Variants in SLCO1B1 observed in about 807,000 individuals in gnomAD.
SLCO1B1 encodes solute carrier organic anion transporter family member 1B1.
Under a neutral mutation model 70.1 loss-of-function variants are expected in SLCO1B1, and 81 were observed. The observed-to-expected ratio is 1.16, with a 90% CI of 0.97 to 1.39. The LOEUF is 1.39. SLCO1B1 is among the 40% of genes most tolerant of loss of function. SLCO1B1 has a pLI of 0.00. For synonymous variants in SLCO1B1, 283 were observed against 271.5 expected, an observed-to-expected ratio of 1.04 and a Z score of -0.42; for missense variants, 895 against 799.6, an observed-to-expected ratio of 1.12 and a Z score of -1.44.
chr12:21,173,008 A>G (rs539575277), intron 3 of SLCO1B1, among the ~76,000 whole-genome samples: 1 of 152,310 alleles, frequency 6.6e-6, no homozygotes, highest in African/African-American at 2.4e-5. Flanking sequence ...TAAATATTCT[A>G]TAATGCACAA....
At chr12:21,207,023 A>G (rs547157468) in intron 11 of SLCO1B1, among the ~76,000 whole-genome samples, 4 of 152,068 alleles carry the variant, frequency 2.6e-5, no homozygotes, top group African/African-American at 2.4e-5. Flanking sequence ...TTGCACAAAT[A>G]TGGCCCAAAG....
intron 12 of SLCO1B1, among the ~76,000 whole-genome samples, chr12:21,218,948 AT>A (rs949128815): frequency 5.3e-5 from 8 of 152,196 alleles, no homozygotes; most frequent in Non-Finnish European, 8.8e-5. Flanking sequence ...CTATGAAGCT[AT>A]TTTTTAAACT....
chr12:21,176,636 C>A, intron 4 of SLCO1B1, 140 bp from the exon 5 acceptor site: 1 of 660,770 alleles, frequency 1.5e-6, no homozygotes, highest in Non-Finnish European at 2.7e-6. Context: ...AAAACACATG[C>A]TGGGAAATTG....
At chr12:21,190,690 C>T (rs1274813021) in intron 7 of SLCO1B1, among the ~76,000 whole-genome samples, 3 of 152,070 alleles carry the variant, frequency 2.0e-5, no homozygotes, top group Non-Finnish European at 4.4e-5. Context: ...CCCTTCTGAG[C>T]CTCCTAAATC....
At position 21,176,782 on chromosome 12, in the gene SLCO1B1, G is replaced by C; in HGVS notation, c.366G>C (p.Arg122Ser). 1 of 1,531,004 alleles carries C rather than the reference G, an allele frequency of 6.5e-7. No individual in the cohort carries two copies. The allele number at this position is 1,531,004 out of a possible 1,614,324, so 94.8% of individuals were successfully genotyped here. Reference protein sequence around the residue: ...ALPHFFMGYYRYSKETNINSS... With the variant: ...ALPHFFMGYYSYSKETNINSS... ...TTCAGTGATGTTCTTACAGTTACAG[G>C]TATTCTAAAGAAACTAATATCAATT... Residue 122 changes from arginine to serine, a missense_variant, in exon 5 of 15, where the codon AGG becomes AGC. Coordinates refer to ENST00000256958, the MANE Select transcript of SLCO1B1 (RefSeq NM_006446.5).
At chr12:21,188,062 T>A (rs969535211) in intron 7 of SLCO1B1, among the ~76,000 whole-genome samples, 3 of 152,200 alleles carry the variant, frequency 2.0e-5, no homozygotes, top group Non-Finnish European at 2.9e-5. Flanking sequence ...TTGTCTAATG[T>A]GGGCACTGAA....
chr12:21,189,146 G>A (rs1940997355), intron 7 of SLCO1B1, among the ~76,000 whole-genome samples: 1 of 152,126 alleles, frequency 6.6e-6, no homozygotes, highest in African/African-American at 2.4e-5. Context: ...GGATTGCTGG[G>A]TCATATGAGA....
intron 4 of SLCO1B1, among the ~76,000 whole-genome samples, chr12:21,176,565 G>T (rs1377132952): frequency 1.3e-5 from 2 of 152,030 alleles, no homozygotes; most frequent in African/African-American, 4.8e-5. Flanking sequence ...TTAGCCTGGG[G>T]TGTATTGAAT....
At chr12:21,233,947 T>C (rs1941570414) in intron 14 of SLCO1B1, among the ~76,000 whole-genome samples, 1 of 152,152 alleles carries the variant, frequency 6.6e-6, no homozygotes, top group African/African-American at 2.4e-5. Context: ...ACCTAACGGG[T>C]TCACCTTGCC....
chr12:21,164,303 T>C (rs1940659039), intron 2 of SLCO1B1, among the ~76,000 whole-genome samples: 1 of 152,160 alleles, frequency 6.6e-6, no homozygotes, highest in Non-Finnish European at 1.5e-5. Flanking sequence ...TGTCTTCTTT[T>C]TCCCACCAAA....
intron 14 of SLCO1B1, among the ~76,000 whole-genome samples, chr12:21,238,115 T>C (rs186218430): frequency 2.6e-5 from 4 of 152,374 alleles, no homozygotes; most frequent in Admixed American, 6.5e-5. Flanking sequence ...AATTTTTATA[T>C]GATTTCAATT....
intron 2 of SLCO1B1, among the ~76,000 whole-genome samples, chr12:21,165,016 G>T (rs1416876464): frequency 6.6e-6 from 1 of 152,088 alleles, no homozygotes; most frequent in Non-Finnish European, 1.5e-5. Context: ...TAGCTTAGCA[G>T]ACTAACTGCT....
At chr12:21,184,309 C>T (rs542240861) in intron 7 of SLCO1B1, among the ~76,000 whole-genome samples, 1 of 152,178 alleles carries the variant, frequency 6.6e-6, no homozygotes, top group South Asian at 2.1e-4. Context: ...TTAGATTCCC[C>T]AAAGTCCACA....
Position 21,237,468 on chromosome 12 carries a change from T to C in SLCO1B1, c.1866-1511T>C, listed in dbSNP as rs192271467. Reference sequence around the variant, plus strand: ...GAAGAGAAGTCTATTTTCTCCCCTATAGATAAAATTTGTTTTTCCTTCTGG... The same window carrying C: ...GAAGAGAAGTCTATTTTCTCCCCTACAGATAAAATTTGTTTTTCCTTCTGG... On this transcript the variant is annotated intron_variant, in intron 14 of 14. Coordinates refer to ENST00000256958, the MANE Select transcript of SLCO1B1 (RefSeq NM_006446.5). Among the ~76,000 whole-genome samples, 58 of 152,286 alleles carry C rather than the reference T, an allele frequency of 3.8e-4. No individual in the cohort carries two copies. The East Asian group carries it at 8.9e-3, about 23-fold the overall frequency.
intron 11 of SLCO1B1, among the ~76,000 whole-genome samples, chr12:21,211,855 G>A (rs1462706455): frequency 2.0e-5 from 3 of 151,882 alleles, no homozygotes. Flanking sequence ...GCGTAGAGGT[G>A]TTTGTAGTAT....
chr12:21,154,636 A>T (rs897619889), intron 2 of SLCO1B1, among the ~76,000 whole-genome samples: 3 of 152,086 alleles, frequency 2.0e-5, no homozygotes, highest in Non-Finnish European at 4.4e-5. Context: ...AGACACTATG[A>T]CTATTTTACC....
chr12:21,208,669 C>A (rs1941242325), intron 11 of SLCO1B1, among the ~76,000 whole-genome samples: 1 of 151,978 alleles, frequency 6.6e-6, no homozygotes, highest in African/African-American at 2.4e-5. Flanking sequence ...AAAAATCATG[C>A]CGGTTGTTTG....
intron 14 of SLCO1B1, among the ~76,000 whole-genome samples, chr12:21,234,136 G>C (rs1180967326): frequency 6.6e-6 from 1 of 152,078 alleles, no homozygotes; most frequent in African/African-American, 2.4e-5. Context: ...TGGTGGGTAG[G>C]GGGGCCAGTG....
At chr12:21,175,917 A>C (rs1393437155) in intron 4 of SLCO1B1, among the ~76,000 whole-genome samples, 1 of 152,118 alleles carries the variant, frequency 6.6e-6, no homozygotes, top group East Asian at 1.9e-4. Context: ...ATTGCTCTAA[A>C]TATGCCATAA....
Sources: gnomAD v4.1 joint callset for allele counts (sites outside exome capture counted in the v4.1 genomes callset) on GRCh38, gnomAD v4.1.1 for gene constraint, MANE v1.5 for transcripts, NCBI Gene and HGNC (gene_info 2026-07-23, HGNC 2026-07-21) for gene names.